The following MYH14 variants were observed in gnomAD, a reference collection of about 807,000 sequenced individuals.
MYH14 encodes myosin heavy chain 14.
In MYH14, 123 loss-of-function variants were observed where a neutral mutation model predicts 255.5. The observed-to-expected ratio is 0.48, with a 90% CI of 0.42 to 0.56. The LOEUF is 0.56. Ranked by LOEUF, MYH14 falls within the 20% of genes least tolerant of loss-of-function variation. The pLI is 0.00. For synonymous variants in MYH14, 1,095 were observed against 1,161.2 expected, an observed-to-expected ratio of 0.94 and a Z score of 1.16; for missense variants, 2,423 against 2,802.3, an observed-to-expected ratio of 0.86 and a Z score of 3.06.
Position 50,210,985 on chromosome 19 carries a change from T to C in MYH14, c.405+215T>C, listed in dbSNP as rs564869940. 2.0e-5 allele frequency among the ~76,000 whole-genome samples: 3 copies of C among 152,352 alleles called. 1 individual carries two copies. The highest frequency in any genetic ancestry group is 4.8e-5 in the African/African-American group (2 of 41,584). On this transcript the variant is annotated intron_variant, in intron 2 of 42. Transcript: ENST00000642316. ...TACTGGGGACATTGCATGATACATA[T>C]GGTAGATAAACTGTATTATTTTCCT... is the stretch of plus-strand genomic sequence containing the variant.
intron 18 of MYH14, among the ~76,000 whole-genome samples, chr19:50,257,994 C>T (rs1008328709): frequency 6.6e-6 from 1 of 152,110 alleles, no homozygotes; most frequent in Non-Finnish European, 1.5e-5. Flanking sequence ...AGAGGAAGGC[C>T]ATCAGGGCTG....
intron 1 of MYH14, among the ~76,000 whole-genome samples, chr19:50,206,207 T>C (rs1386474836): frequency 6.9e-6 from 1 of 144,976 alleles, no homozygotes; most frequent in East Asian, 2.1e-4. Flanking sequence ...TCCCAATCCA[T>C]AGGAGGAGGG....
In MYH14 at chr19:50,293,328, G is replaced by A. The variant is rs774360561; in HGVS notation, c.5345+7G>A. On this transcript the variant is annotated splice_region_variant and intron_variant, in intron 38 of 42. Transcript: ENST00000642316. The surrounding 1 kb of genome is among the most constrained non-coding windows in gnomAD (Gnocchi z 4.1). ...CCAATGGTAACCTTAGCAAGTAAGT[G>A]CCCCAAGGGTCTGAAGGCTGAGGTA... is the stretch of plus-strand genomic sequence containing the variant. The A allele has an allele frequency of 1.7e-5, 27 of 1,594,956 alleles. No homozygotes were observed. Among genetic ancestry groups the A allele is most frequent in the Non-Finnish European group, 2.1e-5 (25 of 1,170,284 alleles).
At chr19:50,301,903 A>G in intron 40 of MYH14, 34 bp downstream of exon 40, 2 of 1,528,072 alleles carry the variant, frequency 1.3e-6, no homozygotes, top group Non-Finnish European at 1.8e-6. Context: ...GAGAAAGGTG[A>G]CCTCCACATT....
chr19:50,271,754 C>T, intron 25 of MYH14, 95 bp from the exon 26 acceptor site: 3 of 1,556,906 alleles, frequency 1.9e-6, no homozygotes, highest in Non-Finnish European at 2.6e-6. Flanking sequence ...GGAGCAGAAA[C>T]ATAGATGAGA....
chr19:50,270,379 G>A (rs960839859), intron 24 of MYH14, among the ~76,000 whole-genome samples: 1 of 152,002 alleles, frequency 6.6e-6, no homozygotes. Flanking sequence ...AATTAGCCAG[G>A]TGTGGTAGCG....
Position 50,246,997 on chromosome 19 carries a change from C to T in MYH14, c.1211-7C>T. ...GCTGATGGAATCTTGGTGCCTCTCG[C>T]CCTCAGCTGCACAGAAGCTCTGCCG... On this transcript the variant is annotated splice_polypyrimidine_tract_variant and splice_region_variant and intron_variant, in intron 11 of 42. Coordinates refer to ENST00000642316, the MANE Select transcript of MYH14 (RefSeq NM_001145809.2). The T allele has an allele frequency of 1.9e-6, 3 of 1,602,264 alleles. No individual in the cohort carries two copies. Among genetic ancestry groups the T allele is most frequent in the Non-Finnish European group, 2.6e-6 (3 of 1,172,532 alleles).
chr19:50,224,237 T>C, intron 6 of MYH14, 60 bp downstream of exon 6: 1 of 1,611,986 alleles, frequency 6.2e-7, no homozygotes, highest in South Asian at 1.1e-5. Context: ...GGCCACCCAA[T>C]GCATGATCTT....
At chr19:50,232,185 C>CTCA in intron 10 of MYH14, 115 bp downstream of exon 10, 2 of 1,338,734 alleles carry the variant, frequency 1.5e-6, no homozygotes, top group Non-Finnish European at 2.1e-6. Flanking sequence ...CTACTGGGTG[C>CTCA]AGGCACCGGG....
In MYH14 at chr19:50,289,491, G is replaced by A. The variant is rs886043615; in HGVS notation, c.4808G>A (p.Arg1603Gln). ...GCAGAACAGGCAGCCAATGATCTGC[G>A]AGCACAGGTGACAGAACTGGAGGAT... Reference protein sequence around the residue: ...RVAEQAANDLRAQVTELEDEL... With the variant: ...RVAEQAANDLQAQVTELEDEL... Residue 1603 changes from arginine to glutamine, a missense_variant, in exon 35 of 43, where the codon CGA (arginine) becomes CAA (glutamine). By Grantham distance (43) the Arg-to-Gln change is conservative. Transcript: ENST00000642316. The A allele has an allele frequency of 2.5e-6, 4 of 1,613,028 alleles. No individual in the cohort carries two copies. Among genetic ancestry groups the A allele is most frequent in the Non-Finnish European group, 2.5e-6 (3 of 1,179,640 alleles).
chr19:50,275,840 A>G (rs2035483168), intron 27 of MYH14, 151 bp from the exon 28 acceptor site: 2 of 634,272 alleles, frequency 3.2e-6, no homozygotes, highest in South Asian at 2.0e-5. Context: ...AACTTAAATT[A>G]GTACTGCAGC....
intron 2 of MYH14, among the ~76,000 whole-genome samples, chr19:50,216,961 C>T (rs1203322512): frequency 7.4e-6 from 1 of 134,634 alleles, no homozygotes; most frequent in African/African-American, 2.5e-5. Flanking sequence ...GCATGTGTCA[C>T]CACACCTGGC....
Position 50,266,809 on chromosome 19 carries a change from A to C in MYH14, c.2695-68A>C. 6.5e-7 allele frequency: 1 copy of C among 1,541,920 alleles called. No homozygotes were observed. Among genetic ancestry groups the C allele is most frequent in the Non-Finnish European group, 8.8e-7 (1 of 1,139,252 alleles). ...GAAGGGATTTGAACCCAGAAACTCA[A>C]ACCCCACTAAGAGTGTGAGGTCTTG... On this transcript the variant is annotated intron_variant, in intron 22 of 42. Coordinates refer to ENST00000642316, the MANE Select transcript of MYH14 (RefSeq NM_001145809.2). This position sits in a 1 kb window ranked among gnomAD's most constrained non-coding sequence, Gnocchi z 4.1.
Position 50,266,839 on chromosome 19 carries a change from C to G in MYH14, c.2695-38C>G. The G allele has an allele frequency of 6.4e-7, 1 of 1,551,176 alleles. No homozygotes were observed. Among genetic ancestry groups the G allele is most frequent in the Admixed American group, 2.0e-5 (1 of 51,004 alleles). ...CACTAAGAGTGTGAGGTCTTGGCGCCTGAAGTCAGCCATTCCACCCCTTTC... is the reference window on the plus strand; with the variant it reads ...CACTAAGAGTGTGAGGTCTTGGCGCGTGAAGTCAGCCATTCCACCCCTTTC... On this transcript the variant is annotated intron_variant, in intron 22 of 42. Coordinates refer to ENST00000642316, the MANE Select transcript of MYH14 (RefSeq NM_001145809.2). This position sits in a 1 kb window ranked among gnomAD's most constrained non-coding sequence, Gnocchi z 4.1.
At chr19:50,228,363 A>C (rs1412129904) in intron 8 of MYH14, among the ~76,000 whole-genome samples, 1 of 152,142 alleles carries the variant, frequency 6.6e-6, no homozygotes, top group Non-Finnish European at 1.5e-5. Context: ...GATAATTACT[A>C]ATCAATAACA....
Position 50,260,707 on chromosome 19 carries a change from G to A in MYH14, c.2416G>A (p.Glu806Lys). 1 of 1,613,136 alleles carries A rather than the reference G, an allele frequency of 6.2e-7. No homozygotes were observed. Among genetic ancestry groups the A allele is most frequent in the Non-Finnish European group, 8.5e-7 (1 of 1,179,592 alleles). Residue 806 changes from glutamate to lysine, a missense_variant, in exon 20 of 43, where the codon GAA becomes AAA. By Grantham distance (56) the Glu-to-Lys change is moderately conservative. This residue lies in a region of MYH14 where 672 missense variants were observed against 881.8 expected (regional missense o/e 0.76). Transcript: ENST00000642316. ...KGFMDGKQAC[E>K]KMIQALELDP... ...CTTCATGGATGGGAAGCAGGCCTGT[G>A]AAAAGATGGTGAGTGGGGCAGAGCC...
intron 39 of MYH14, among the ~76,000 whole-genome samples, chr19:50,294,846 T>C (rs189102768): frequency 1.0e-3 from 153 of 152,216 alleles, no homozygotes; most frequent in South Asian, 4.6e-3. Flanking sequence ...CTTTAATTGA[T>C]GGTGATAGTA....
intron 5 of MYH14, 107 bp from the exon 6 acceptor site, chr19:50,224,046 TC>T: frequency 4.0e-6 from 2 of 504,354 alleles, no homozygotes. Flanking sequence ...CAGTCCCCCT[TC>T]CCCCACCCCC....
At chr19:50,217,859 A>G (rs2032573420) in intron 3 of MYH14, 88 bp downstream of exon 3, 1 of 1,503,006 alleles carries the variant, frequency 6.7e-7, no homozygotes, top group East Asian at 2.3e-5. Context: ...GTCCAGGTCA[A>G]ATGACAGCTT....
Sources: gnomAD v4.1 joint callset for allele counts (sites outside exome capture counted in the v4.1 genomes callset) on GRCh38, gnomAD v4.1.1 for gene constraint, gnomAD v4.1.1 regional missense constraint, Gnocchi (gnomAD v3.1) non-coding constraint, MANE v1.5 for transcripts, NCBI Gene and HGNC (gene_info 2026-07-23, HGNC 2026-07-21) for gene names.